Variants in MMS22L observed in about 807,000 individuals in gnomAD.
MMS22L encodes the protein protein MMS22-like.
A neutral mutation model predicts 159.1 loss-of-function variants in MMS22L; 74 were observed. The observed-to-expected ratio is 0.47, with a 90% CI of 0.39 to 0.56. The LOEUF (loss-of-function observed/expected upper bound fraction) is 0.56, where lower values mean the gene tolerates loss of function less well. Among genes scored for constraint, MMS22L ranks in the 20% least tolerant of loss-of-function variants. The pLI, the probability that MMS22L is intolerant of heterozygous loss-of-function variation, is 0.00. For missense variants in MMS22L, 1,351 were observed against 1,422.1 expected (o/e 0.95, Z 0.80); for synonymous variants, 517 against 506.9 (o/e 1.02, Z -0.27).
At chr6:97,182,922 C>G (rs1379293695) in intron 15 of MMS22L, among the ~76,000 whole-genome samples, 1 of 152,150 alleles carries the variant, frequency 6.6e-6, no homozygotes, top group Non-Finnish European at 1.5e-5. Flanking sequence ...CTGTAGCTCA[C>G]TATCATGCTC....
intron 14 of MMS22L, among the ~76,000 whole-genome samples, chr6:97,190,282 C>G (rs1454223811): frequency 1.3e-5 from 2 of 152,040 alleles, no homozygotes; most frequent in East Asian, 1.9e-4. Flanking sequence ...TCAACACAAA[C>G]AGTAGAAATA....
At position 97,144,664 on chromosome 6, in the gene MMS22L, G is replaced by T. The variant is rs1800812270; in HGVS notation, c.*2142C>A. 6.6e-6 allele frequency: 1 copy of T among 151,998 alleles called. No homozygotes were observed. The highest frequency in any genetic ancestry group is 2.1e-4 in the South Asian group (1 of 4,822). The allele number at this position is 151,998 out of a possible 1,614,324, so 9.4% of individuals were successfully genotyped here. On this transcript the variant is annotated 3_prime_UTR_variant, in exon 25 of 25. Transcript: ENST00000683635. ...GGGAAAGTGGCTATTAAAGAAGCAG[G>T]TATAAGGGACTCCAAGTCTGGGAAT...
chr6:97,262,428 T>C (rs1814582222), intron 9 of MMS22L, among the ~76,000 whole-genome samples: 2 of 151,874 alleles, frequency 1.3e-5, no homozygotes, highest in Non-Finnish European at 2.9e-5. Context: ...GCAGATCACT[T>C]GAGGTCAGGA....
chr6:97,214,246 C>T (rs1249516851), intron 14 of MMS22L, among the ~76,000 whole-genome samples: 1 of 152,160 alleles, frequency 6.6e-6, no homozygotes, highest in Non-Finnish European at 1.5e-5. Flanking sequence ...GGAGCACATT[C>T]CCCACAGCCT....
chr6:97,238,474 C>T (rs1360402366), intron 11 of MMS22L, among the ~76,000 whole-genome samples: 2 of 151,936 alleles, frequency 1.3e-5, no homozygotes, highest in African/African-American at 4.8e-5. Context: ...GGCCTGTGGG[C>T]CTCTTTTCCA....
At chr6:97,189,422 G>A (rs1299113770) in intron 14 of MMS22L, among the ~76,000 whole-genome samples, 4 of 151,140 alleles carry the variant, frequency 2.6e-5, no homozygotes, top group African/African-American at 7.3e-5. Context: ...TTAGCCGGGC[G>A]TGGTGACATG....
intron 22 of MMS22L, among the ~76,000 whole-genome samples, chr6:97,152,585 TA>T: frequency 6.6e-6 from 1 of 151,550 alleles, no homozygotes; most frequent in Non-Finnish European, 1.5e-5. Flanking sequence ...TTTCCAAGAA[TA>T]AAAAAAAGTT....
rs79701660 is a variant in MMS22L, at chr6:97,221,188, G to A, written c.2039+7706C>T. Among the ~76,000 whole-genome samples the A allele has an allele frequency of 3.2e-3, 484 of 152,102 alleles. 3 individuals carry two copies. Among genetic ancestry groups the A allele is most frequent in the African/African-American group, 0.011 (460 of 41,494 alleles). The stretch of plus-strand genomic sequence containing the variant: ...CCCAAAACATTCTAGTGAGGTAGGT[G>A]GTATTATCCTCATTTTACAAATAAG... On this transcript the variant is annotated intron_variant, in intron 14 of 24. Transcript: ENST00000683635.
chr6:97,209,929 T>A (rs1240001690), intron 14 of MMS22L, among the ~76,000 whole-genome samples: 1 of 152,102 alleles, frequency 6.6e-6, no homozygotes, highest in African/African-American at 2.4e-5. Flanking sequence ...TTAATCGTGC[T>A]GGCAGTGTAA....
At chr6:97,178,253 C>T (rs1804322832) in intron 18 of MMS22L, among the ~76,000 whole-genome samples, 190 bp downstream of exon 18, 1 of 152,006 alleles carries the variant, frequency 6.6e-6, no homozygotes, top group Admixed American at 6.6e-5. Context: ...TTCTGCTGTC[C>T]TTAAGTGTGA....
intron 22 of MMS22L, among the ~76,000 whole-genome samples, chr6:97,160,838 T>C (rs1198374355): frequency 6.6e-6 from 1 of 152,016 alleles, no homozygotes; most frequent in Non-Finnish European, 1.5e-5. Flanking sequence ...TGATCTATTT[T>C]CAAGTTTGCT....
chr6:97,238,599 G>GTC (rs1562493343), intron 11 of MMS22L, among the ~76,000 whole-genome samples: 2 of 150,830 alleles, frequency 1.3e-5, no homozygotes, highest in Non-Finnish European at 2.9e-5. Flanking sequence ...GTGTGTGTGT[G>GTC]TGTGTTTGAG....
At chr6:97,204,201 G>A (rs996133198) in intron 14 of MMS22L, among the ~76,000 whole-genome samples, 5 of 152,172 alleles carry the variant, frequency 3.3e-5, no homozygotes, top group Non-Finnish European at 5.9e-5. Flanking sequence ...GTTCCAAACT[G>A]ACATTGTTAA....
chr6:97,243,266 A>AT (rs1368240079), intron 11 of MMS22L, among the ~76,000 whole-genome samples: 4 of 152,122 alleles, frequency 2.6e-5, no homozygotes, highest in South Asian at 2.1e-4. Context: ...GGTTTTGTTC[A>AT]TTTTTTTAAA....
intron 11 of MMS22L, among the ~76,000 whole-genome samples, chr6:97,245,079 T>C (rs994379047): frequency 6.6e-6 from 1 of 152,016 alleles, no homozygotes; most frequent in Non-Finnish European, 1.5e-5. Context: ...TGAATTTATA[T>C]CCAGGCCTCT....
intron 11 of MMS22L, among the ~76,000 whole-genome samples, chr6:97,240,752 GAGA>G (rs1811968016): frequency 1.3e-5 from 2 of 152,082 alleles, no homozygotes; most frequent in African/African-American, 4.8e-5. Flanking sequence ...ACAGCCTCCT[GAGA>G]AGATGAGATT....
At position 97,173,204 on chromosome 6, in the gene MMS22L, C is replaced by T. The variant is rs749053528; in HGVS notation, c.2698G>A (p.Gly900Arg). The change falls in exon 19 of 25, where the codon GGG becomes AGG. Residue 900 changes from glycine to arginine, a missense_variant. Transcript: ENST00000683635. ...RFFEAVGVTY[G>R]NVQTLSDKSA... The stretch of plus-strand genomic sequence containing the variant: ...TTATCAGAAAGTGTCTGGACGTTCC[C>T]GTAAGTTACACCAACAGCCTATAAA... The T allele has an allele frequency of 2.8e-5, 45 of 1,612,958 alleles. No homozygotes were observed. The Admixed American group carries it at 5.2e-4, about 19-fold the overall frequency.
intron 17 of MMS22L, 93 bp downstream of exon 17, chr6:97,179,315 A>G: frequency 1.8e-6 from 2 of 1,081,396 alleles, no homozygotes; most frequent in South Asian, 4.1e-5. Flanking sequence ...AATATTTTGT[A>G]TATTTTCTAT....
In MMS22L at chr6:97,278,789, T is replaced by C. The variant is rs1320594736; in HGVS notation, c.340+60A>G. On this transcript the variant is annotated intron_variant, in intron 4 of 24. Coordinates refer to ENST00000683635, the MANE Select transcript of MMS22L (RefSeq NM_001350599.2). ...TGCCAATTATACCATCATGGACCCA[T>C]GTGCAACTCACTATAATGAAGCACC... 3.6e-6 allele frequency: 5 copies of C among 1,378,650 alleles called. No homozygotes were observed. The African/African-American group carries it at 5.7e-5, about 16-fold the overall frequency. 85.4% of individuals were successfully genotyped at this position (1,378,650 alleles called of 1,614,324 possible).
Sources: allele counts gnomAD v4.1 joint callset (sites outside exome capture counted in the v4.1 genomes callset), GRCh38; gene constraint gnomAD v4.1.1; transcripts MANE v1.5; gene names NCBI Gene and HGNC (gene_info 2026-07-23, HGNC 2026-07-21).